ARHGEF11: variants seen among roughly 807,000 people sequenced by gnomAD.
ARHGEF11 encodes the protein Rho guanine nucleotide exchange factor 11.
A neutral mutation model predicts 193.7 loss-of-function variants in ARHGEF11; 55 were observed. The observed-to-expected ratio is 0.28, with a 90% CI of 0.23 to 0.36. ARHGEF11 has a LOEUF of 0.36. Among genes scored for constraint, ARHGEF11 ranks in the 10% least tolerant of loss-of-function variants. The pLI, the probability that ARHGEF11 is intolerant of heterozygous loss-of-function variation, is 1.00. For missense variants in ARHGEF11, 1,723 were observed against 2,005.6 expected (o/e 0.86, Z 2.69); for synonymous variants, 693 against 768.0 (o/e 0.90, Z 1.62).
At position 157,032,768 on chromosome 1, in the gene ARHGEF11, C is replaced by T. The variant is rs550789480; in HGVS notation, c.32+11531G>A. On this transcript the variant is annotated intron_variant, in intron 1 of 40. Coordinates refer to ENST00000368194, the MANE Select transcript of ARHGEF11 (RefSeq NM_198236.3). ...CTTGCTACTGCCCAGAAACCACGCA[C>T]GGAGGCCATGAACATCCTCCCAGTT... Among the ~76,000 whole-genome samples, 47 of 152,306 alleles carry T rather than the reference C, an allele frequency of 3.1e-4. No homozygotes were observed. In the Middle Eastern group the frequency reaches 0.01, roughly 33 times the overall value.
chr1:156,953,560 A>G (rs905347022), intron 21 of ARHGEF11, among the ~76,000 whole-genome samples: 1 of 152,216 alleles, frequency 6.6e-6, no homozygotes, highest in Non-Finnish European at 1.5e-5. Flanking sequence ...AATGGCATAC[A>G]GTCTAGGAAT....
chr1:156,991,427 C>CTCCTGCCT (rs1007366759), intron 1 of ARHGEF11, among the ~76,000 whole-genome samples: 1 of 152,174 alleles, frequency 6.6e-6, no homozygotes. Flanking sequence ...TCAAGTGATC[C>CTCCTGCCT]TCCTGCCTTA....
intron 1 of ARHGEF11, among the ~76,000 whole-genome samples, chr1:157,035,058 T>TAGG (rs1671745103): frequency 6.6e-6 from 1 of 152,106 alleles, no homozygotes; most frequent in African/African-American, 2.4e-5. Context: ...TAATGAGACC[T>TAGG]ACGATTATTG....
chr1:157,015,976 ACTACTGCAGT>A (rs1346436419), intron 1 of ARHGEF11, among the ~76,000 whole-genome samples: 4 of 152,184 alleles, frequency 2.6e-5, no homozygotes, highest in African/African-American at 9.7e-5. Flanking sequence ...TGATGTGATG[ACTACTGCAGT>A]CTTAAAAATA....
intron 22 of ARHGEF11, chr1:156,949,053 A>G (rs1464535835): frequency 5.1e-6 from 5 of 985,332 alleles, no homozygotes; most frequent in Non-Finnish European, 6.0e-6. Flanking sequence ...CCTGTCAGAA[A>G]GTTCTATCTG....
intron 1 of ARHGEF11, among the ~76,000 whole-genome samples, chr1:157,036,818 A>C (rs917309701): frequency 6.6e-6 from 1 of 152,250 alleles, no homozygotes; most frequent in Middle Eastern, 3.4e-3. Context: ...CCAGTCTCAT[A>C]AATTTGGGAA....
intron 9 of ARHGEF11, 72 bp downstream of exon 9, chr1:156,969,926 T>G (rs1662278191): frequency 5.5e-6 from 8 of 1,463,474 alleles, no homozygotes; most frequent in Non-Finnish European, 7.6e-6. Context: ...ATCTGCCCCA[T>G]GGGGAGGGTA....
At chr1:157,002,847 G>A (rs764471616) in intron 1 of ARHGEF11, among the ~76,000 whole-genome samples, 2 of 152,186 alleles carry the variant, frequency 1.3e-5, no homozygotes, top group Admixed American at 1.3e-4. Context: ...CCTCCCAGAT[G>A]TAAATGCTGG....
chr1:157,034,994 G>T (rs972417597), intron 1 of ARHGEF11, among the ~76,000 whole-genome samples: 1 of 152,158 alleles, frequency 6.6e-6, no homozygotes, highest in African/African-American at 2.4e-5. Context: ...TGCAAAGAGG[G>T]ATGTGGGCCC....
rs1360417670 is a variant in ARHGEF11, at chr1:156,939,749, C to G, written c.3895G>C (p.Gly1299Arg). The change falls in exon 37 of 41, where the codon GGG becomes CGG. Residue 1299 changes from glycine to arginine, a missense_variant. Transcript: ENST00000368194. The stretch of plus-strand genomic sequence containing the variant: ...AGCTGGGTGTTGTCCCCTTCACCCC[C>G]AGGGGGTGCTTGCCCTGGGGAGCCT... The part of the protein sequence containing the change: ...DPGSPGQAPP[G>R]GEGDNTQLAG... 1.2e-6 allele frequency: 2 copies of G among 1,613,938 alleles called. No individual in the cohort carries two copies. The highest frequency in any genetic ancestry group is 2.2e-5 in the South Asian group (2 of 91,088).
chr1:156,978,058 G>T, intron 6 of ARHGEF11, 146 bp downstream of exon 6: 1 of 1,295,180 alleles, frequency 7.7e-7, no homozygotes, highest in Non-Finnish European at 1.0e-6. Context: ...CTTCATTTTT[G>T]TTCAACTCTT....
chr1:156,990,699 T>A (rs368856269), intron 1 of ARHGEF11, among the ~76,000 whole-genome samples: 4 of 151,410 alleles, frequency 2.6e-5, no homozygotes, highest in African/African-American at 9.7e-5. Context: ...TATTACCCTT[T>A]AAAAAAAAAG....
chr1:156,944,334 C>T (rs1657686054), intron 31 of ARHGEF11, 24 bp downstream of exon 31: 1 of 1,609,678 alleles, frequency 6.2e-7, no homozygotes. Context: ...GGTTCCTGCT[C>T]AGTCCCAGTC....
At chr1:156,955,348 T>C (rs571092218) in intron 20 of ARHGEF11, among the ~76,000 whole-genome samples, 1 of 152,262 alleles carries the variant, frequency 6.6e-6, no homozygotes, top group African/African-American at 2.4e-5. Flanking sequence ...ACTGTAGTCT[T>C]GTGTGCTAGG....
intron 1 of ARHGEF11, among the ~76,000 whole-genome samples, chr1:157,023,626 C>T (rs956458352): frequency 9.2e-5 from 14 of 152,184 alleles, no homozygotes; most frequent in East Asian, 7.7e-4. Context: ...ATTAGCCAGA[C>T]GCAGTGGCAT....
rs764173513 is a variant in ARHGEF11 at position 156,947,967 on chromosome 1, A to C, written c.2154-11T>G. On this transcript the variant is annotated splice_polypyrimidine_tract_variant and intron_variant, in intron 24 of 40. Transcript: ENST00000368194. The stretch of plus-strand genomic sequence containing the variant: ...GGGGACTCAATGCTCCTGGGGGAAA[A>C]CAGGCAGCTCAGCTTCATTTAGGAG... 1 of 1,611,052 alleles carries C rather than the reference A, an allele frequency of 6.2e-7. No individual in the cohort carries two copies. The highest frequency in any genetic ancestry group is 8.5e-7 in the Non-Finnish European group (1 of 1,177,606).
chr1:156,990,962 G>A (rs1023895721), intron 1 of ARHGEF11, among the ~76,000 whole-genome samples: 6 of 152,068 alleles, frequency 3.9e-5, no homozygotes, highest in African/African-American at 1.2e-4. Flanking sequence ...GCTGTCCCTC[G>A]TTCCAGGCCC....
intron 1 of ARHGEF11, among the ~76,000 whole-genome samples, chr1:157,028,040 A>G (rs1670859052): frequency 6.6e-6 from 1 of 152,178 alleles, no homozygotes; most frequent in South Asian, 2.1e-4. Context: ...CCCTATCCCT[A>G]TATGACTACA....
At chr1:157,025,345 C>A (rs1004143268) in intron 1 of ARHGEF11, among the ~76,000 whole-genome samples, 2 of 152,100 alleles carry the variant, frequency 1.3e-5, no homozygotes, top group East Asian at 3.8e-4. Context: ...CGATGCATGT[C>A]GAAGATAAAT....
Sources: gnomAD v4.1 joint callset for allele counts (sites outside exome capture counted in the v4.1 genomes callset) on GRCh38, gnomAD v4.1.1 for gene constraint, MANE v1.5 for transcripts, NCBI Gene and HGNC (gene_info 2026-07-23, HGNC 2026-07-21) for gene names.